The following NEXMIF variants were observed in gnomAD, a reference collection of about 807,000 sequenced individuals.
The protein encoded by NEXMIF is XLMR protein related to neurite extension.
In NEXMIF, 8 loss-of-function variants were observed where a neutral mutation model predicts 62.1. That is an observed-to-expected ratio of 0.13 (90% CI 0.08 to 0.23). NEXMIF has a LOEUF of 0.23. Ranked by LOEUF, NEXMIF falls within the 10% of genes least tolerant of loss-of-function variation. The pLI, the probability that NEXMIF is intolerant of heterozygous loss-of-function variation, is 1.00. For synonymous variants in NEXMIF, 404 were observed against 416.6 expected, an observed-to-expected ratio of 0.97 and a Z score of 0.37; for missense variants, 976 against 1,113.3, an observed-to-expected ratio of 0.88 and a Z score of 1.75.
intron 1 of NEXMIF, among the ~76,000 whole-genome samples, chrX:74,828,835 T>C (rs2080426746): frequency 1.8e-5 from 2 of 111,749 alleles, no homozygotes; most frequent in Non-Finnish European, 3.8e-5. Context: ...CCTTATCTAA[T>C]CTCTTCTTTG....
chrX:74,773,771 T>C (rs1306704038), intron 1 of NEXMIF, among the ~76,000 whole-genome samples: 1 of 107,982 alleles, frequency 9.3e-6, no homozygotes, highest in Non-Finnish European at 1.9e-5. Context: ...TAGCTGGGCA[T>C]AGTGGCGGGC....
At chrX:74,782,762 G>T (rs1398652591) in intron 1 of NEXMIF, among the ~76,000 whole-genome samples, 1 of 111,878 alleles carries the variant, frequency 8.9e-6, no homozygotes, top group Non-Finnish European at 1.9e-5. Context: ...CCTCCTTAAA[G>T]CCTTTCCTGA....
chrX:74,871,556 G>A (rs1204481520), intron 1 of NEXMIF, among the ~76,000 whole-genome samples: 1 of 110,863 alleles, frequency 9.0e-6, no homozygotes, highest in Non-Finnish European at 1.9e-5. Flanking sequence ...AGACCAGGGC[G>A]TATTTCAGTC....
chrX:74,757,705 AG>A (rs1337012491), intron 1 of NEXMIF, among the ~76,000 whole-genome samples: 1 of 111,557 alleles, frequency 9.0e-6, no homozygotes, highest in African/African-American at 3.3e-5. Flanking sequence ...TAGCTCACAG[AG>A]TCCCTTATTT....
intron 1 of NEXMIF, among the ~76,000 whole-genome samples, chrX:74,805,790 A>G (rs2080343064): frequency 8.9e-6 from 1 of 111,905 alleles, no homozygotes; most frequent in Non-Finnish European, 1.9e-5. Context: ...CAGAGATTAC[A>G]GGTGTTTGGC....
At chrX:74,831,466 A>G (rs1054139420) in intron 1 of NEXMIF, among the ~76,000 whole-genome samples, 1 of 107,795 alleles carries the variant, frequency 9.3e-6, no homozygotes, top group Non-Finnish European at 1.9e-5. Context: ...TCCTTGCGAT[A>G]GTTTGCTGAG....
intron 1 of NEXMIF, among the ~76,000 whole-genome samples, chrX:74,868,631 T>TGGGGGTGTGGGGGGGG (rs2080588875): frequency 2.1e-5 from 1 of 47,273 alleles, no homozygotes; most frequent in African/African-American, 8.4e-5. Context: ...TGTTGGGGGG[T>TGGGGGTGTGGGGGGGG]GGGGGGGAAG....
intron 1 of NEXMIF, among the ~76,000 whole-genome samples, chrX:74,831,003 A>T (rs2080434872): frequency 9.1e-6 from 1 of 110,386 alleles, no homozygotes; most frequent in Non-Finnish European, 1.9e-5. Context: ...GCAAACAAGG[A>T]TACTTTGACT....
chrX:74,874,172 A>T (rs1335452400), intron 1 of NEXMIF, among the ~76,000 whole-genome samples: 1 of 109,303 alleles, frequency 9.1e-6, no homozygotes, highest in East Asian at 2.9e-4. Flanking sequence ...TTTTTGTATA[A>T]GGTGTAAGGA....
At chrX:74,853,155 A>G (rs1402261824) in intron 1 of NEXMIF, among the ~76,000 whole-genome samples, 4 of 110,589 alleles carry the variant, frequency 3.6e-5, no homozygotes, top group Admixed American at 1.9e-4. Flanking sequence ...GGAAAGTTTA[A>G]TAGAAAAAGA....
chrX:74,912,766 CAT>C (rs749593318), intron 1 of NEXMIF, among the ~76,000 whole-genome samples: 1 of 111,827 alleles, frequency 8.9e-6, no homozygotes, highest in Non-Finnish European at 1.9e-5. Context: ...AAATGCTCTA[CAT>C]ATATGTTATC....
chrX:74,794,537 T>A (rs1383800785), intron 1 of NEXMIF, among the ~76,000 whole-genome samples: 1 of 112,375 alleles, frequency 8.9e-6, no homozygotes, highest in East Asian at 2.8e-4. Context: ...TTGTTTACCT[T>A]ATCAAGCCTG....
At chrX:74,918,514 C>T (rs976187055) in intron 1 of NEXMIF, among the ~76,000 whole-genome samples, 2 of 111,672 alleles carry the variant, frequency 1.8e-5, no homozygotes, top group African/African-American at 6.5e-5. Flanking sequence ...TTTAGTGGCA[C>T]AACAAAATTT....
In NEXMIF at chrX:74,741,021, C is replaced by G; in HGVS notation, c.3536G>C (p.Ser1179Thr). The G allele has an allele frequency of 1.7e-6, 2 of 1,211,063 alleles. No individual in the cohort carries two copies. Among genetic ancestry groups the G allele is most frequent in the South Asian group, 1.8e-5 (1 of 56,964 alleles). ...CATAGCCCCACTCTTGCTGGGTGAA[C>G]TTTTCTTTCTTGATTTTGACACTTT... The part of the protein sequence containing the change: ...NNKVSKSRKK[S>T]SPSKSGAMNQ... The change falls in exon 3 of 4, where the codon AGT (serine) becomes ACT (threonine). Residue 1179 changes from serine to threonine, a missense_variant. Transcript: ENST00000055682.
chrX:74,834,056 C>T (rs947643823), intron 1 of NEXMIF, among the ~76,000 whole-genome samples: 2 of 106,574 alleles, frequency 1.9e-5, no homozygotes, highest in Non-Finnish European at 3.9e-5. Flanking sequence ...ATTGCTTGAA[C>T]CCAGGAGGCG....
chrX:74,756,599 A>T (rs1302879570), intron 1 of NEXMIF, among the ~76,000 whole-genome samples: 1 of 111,601 alleles, frequency 9.0e-6, no homozygotes, highest in African/African-American at 3.3e-5. Flanking sequence ...GGGCCTAAGA[A>T]TAAGTATGTT....
Position 74,744,494 on chromosome X carries a change from G to T in NEXMIF, c.80-17C>A, listed in dbSNP as rs1387151741. ...CCTCTGAGTCTAGAAAAAAGGGAAA[G>T]AAATGACAGGAATAAAATTAAGAGT... On this transcript the variant is annotated splice_polypyrimidine_tract_variant and intron_variant, in intron 2 of 3. Coordinates refer to ENST00000055682, the MANE Select transcript of NEXMIF (RefSeq NM_001008537.3). 4.5e-6 allele frequency: 5 copies of T among 1,120,914 alleles called. No individual in the cohort carries two copies. In the Admixed American group the frequency reaches 8.2e-5, roughly 18 times the overall value. 92.4% of individuals were successfully genotyped at this position (1,120,914 alleles called of 1,213,427 possible). A position where few individuals can be genotyped will look rare whatever the true frequency, so the allele number is the denominator to read the frequency against.
At chrX:74,877,632 CA>C (rs2080642187) in intron 1 of NEXMIF, among the ~76,000 whole-genome samples, 1 of 111,602 alleles carries the variant, frequency 9.0e-6, no homozygotes, top group Non-Finnish European at 1.9e-5. Flanking sequence ...GTACACCAAT[CA>C]GACGTAGATT....
intron 1 of NEXMIF, among the ~76,000 whole-genome samples, chrX:74,876,956 C>G (rs1399181422): frequency 9.0e-6 from 1 of 111,450 alleles, no homozygotes; most frequent in African/African-American, 3.3e-5. Flanking sequence ...ATTTGCCAGT[C>G]TGTGTCTTTT....
Sources: gnomAD v4.1 joint callset for allele counts (sites outside exome capture counted in the v4.1 genomes callset) on GRCh38, gnomAD v4.1.1 for gene constraint, MANE v1.5 for transcripts, NCBI Gene and HGNC (gene_info 2026-07-23, HGNC 2026-07-21) for gene names.